The following CHN2 variants were observed in gnomAD, a reference collection of about 807,000 sequenced individuals.
The protein encoded by CHN2 is beta-chimaerin.
CHN2 carries 35 observed loss-of-function variants against 56.3 expected under a neutral mutation model. The ratio of observed to expected loss-of-function variants is 0.62; its 90% CI spans 0.47 to 0.82. CHN2 has a LOEUF of 0.82. CHN2 is among the 40% of genes least tolerant of loss of function. The probability of loss-of-function intolerance (pLI) is 0.00; values close to 1 mark genes in which losing one functional copy is unlikely to be tolerated. For missense variants in CHN2, 491 were observed against 580.5 expected (o/e 0.85, Z 1.58); for synonymous variants, 210 against 212.8 (o/e 0.99, Z 0.12).
At chr7:29,354,723 A>G (rs921895645) in intron 2 of CHN2, 60 bp downstream of exon 2, 4 of 1,506,498 alleles carry the variant, frequency 2.7e-6, no homozygotes, top group African/African-American at 2.8e-5. Context: ...TTTCTGAACA[A>G]TTCTTGCCAG....
At chr7:29,414,523 G>A (rs1803542017) in intron 6 of CHN2, among the ~76,000 whole-genome samples, 1 of 152,054 alleles carries the variant, frequency 6.6e-6, no homozygotes, top group South Asian at 2.1e-4. Flanking sequence ...ACCACCCAGT[G>A]GGCAGGGGAG....
chr7:29,184,173 ATAG>A (rs1798419316), intron 2 of CHN2, among the ~76,000 whole-genome samples: 1 of 151,248 alleles, frequency 6.6e-6, no homozygotes, highest in African/African-American at 2.4e-5. Flanking sequence ...AGATAGATAG[ATAG>A]ATAGATAGAT....
intron 6 of CHN2, among the ~76,000 whole-genome samples, chr7:29,440,019 A>T (rs937705019): frequency 4.6e-5 from 7 of 152,194 alleles, no homozygotes; most frequent in Non-Finnish European, 8.8e-5. Context: ...TAAACCACAT[A>T]CTGGTGACAA....
At chr7:29,158,077 G>A (rs1794668168) in intron 2 of CHN2, among the ~76,000 whole-genome samples, 1 of 152,134 alleles carries the variant, frequency 6.6e-6, no homozygotes, top group African/African-American at 2.4e-5. Context: ...AAGACACAAT[G>A]AGCTCATCAC....
At position 29,280,385 on chromosome 7, in the gene CHN2, T is replaced by TAA. The variant is rs1423780240; in HGVS notation, c.50-74238_50-74237dup. 8.5e-4 allele frequency among the ~76,000 whole-genome samples: 21 copies of TAA among 24,582 alleles called. No individual in the cohort carries two copies. In the African/African-American group the frequency reaches 8.6e-3, roughly 10 times the overall value. The allele number at this position is 24,582 out of a possible 152,430, so 16.1% of individuals were successfully genotyped here. On this transcript the variant is annotated intron_variant, in intron 1 of 12. Transcript: ENST00000222792. ...GGTGACAGAGCGAGGCTCCGTCTCA[T>TAA]AAATAAATAAATAAATAAATAAATA...
At chr7:29,498,910 C>T (rs1009448345) in intron 8 of CHN2, among the ~76,000 whole-genome samples, 7 of 151,918 alleles carry the variant, frequency 4.6e-5, no homozygotes, top group African/African-American at 1.5e-4. Flanking sequence ...TACAGGGGTC[C>T]ACCACCATGC....
At chr7:29,460,847 T>C (rs1474424830) in intron 6 of CHN2, among the ~76,000 whole-genome samples, 1 of 152,228 alleles carries the variant, frequency 6.6e-6, no homozygotes, top group Non-Finnish European at 1.5e-5. Flanking sequence ...AGGCAACTCC[T>C]TTGCTACCAA....
intron 1 of CHN2, among the ~76,000 whole-genome samples, chr7:29,273,892 C>T (rs1294172201): frequency 6.6e-6 from 1 of 152,066 alleles, no homozygotes; most frequent in Non-Finnish European, 1.5e-5. Context: ...TAAGAGTGAA[C>T]AAGTTAAATA....
intron 1 of CHN2, among the ~76,000 whole-genome samples, chr7:29,266,812 C>A (rs955956429): frequency 6.6e-6 from 1 of 152,152 alleles, no homozygotes; most frequent in Non-Finnish European, 1.5e-5. Context: ...GCCATCCCTT[C>A]GTATCCAAAC....
chr7:29,293,001 A>C (rs1792764061), intron 1 of CHN2: 1 of 456,180 alleles, frequency 2.2e-6, no homozygotes. Context: ...CTTTGCACTC[A>C]GAGCCAGCCT....
intron 6 of CHN2, among the ~76,000 whole-genome samples, chr7:29,468,152 C>G (rs868364011): frequency 0.01 from 1,174 of 116,280 alleles, 99 homozygotes; most frequent in African/African-American, 0.035. Context: ...CCCCCCCCCC[C>G]CCCGCCCGAC....
intron 1 of CHN2, among the ~76,000 whole-genome samples, chr7:29,221,379 AAAT>A (rs1474814357): frequency 6.6e-6 from 1 of 152,286 alleles, no homozygotes. Flanking sequence ...TACTAGCAAT[AAAT>A]AATTCAAAAA....
At chr7:29,301,523 T>G (rs1793661552) in intron 1 of CHN2, among the ~76,000 whole-genome samples, 1 of 152,184 alleles carries the variant, frequency 6.6e-6, no homozygotes, top group Non-Finnish European at 1.5e-5. Context: ...AGGATGCCTC[T>G]TATCCTTTTC....
At chr7:29,369,480 G>T (rs1298823145) in intron 3 of CHN2, among the ~76,000 whole-genome samples, 1 of 152,094 alleles carries the variant, frequency 6.6e-6, no homozygotes, top group Non-Finnish European at 1.5e-5. Context: ...ATATAGCAAA[G>T]AACTTGGCTA....
intron 6 of CHN2, among the ~76,000 whole-genome samples, chr7:29,426,718 A>G (rs1804892182): frequency 6.6e-6 from 1 of 152,254 alleles, no homozygotes; most frequent in African/African-American, 2.4e-5. Context: ...TCAGAGTATC[A>G]CAAGGCCCAA....
At chr7:29,150,730 T>C (rs890439904) in intron 2 of CHN2, among the ~76,000 whole-genome samples, 1 of 152,230 alleles carries the variant, frequency 6.6e-6, no homozygotes, top group Non-Finnish European at 1.5e-5. Context: ...GGTCTCTCCC[T>C]GCACTTGTCA....
intron 1 of CHN2, among the ~76,000 whole-genome samples, chr7:29,268,606 G>T (rs1315045253): frequency 6.6e-6 from 1 of 152,162 alleles, no homozygotes; most frequent in Admixed American, 6.5e-5. Context: ...ATGCCATGGG[G>T]AGTCTGTCTG....
intron 6 of CHN2, among the ~76,000 whole-genome samples, chr7:29,429,856 A>G (rs1332696733): frequency 6.6e-6 from 1 of 152,232 alleles, no homozygotes; most frequent in Non-Finnish European, 1.5e-5. Context: ...TTTATTATAT[A>G]TAGGAACCTT....
At chr7:29,203,764 A>G (rs1176006451) in intron 1 of CHN2, among the ~76,000 whole-genome samples, 2 of 152,212 alleles carry the variant, frequency 1.3e-5, no homozygotes, top group South Asian at 4.2e-4. Flanking sequence ...TACCAAGGCA[A>G]CTCAGCCCTG....
Sources: allele counts gnomAD v4.1 joint callset (sites outside exome capture counted in the v4.1 genomes callset), GRCh38; gene constraint gnomAD v4.1.1; transcripts MANE v1.5; gene names NCBI Gene and HGNC (gene_info 2026-07-23, HGNC 2026-07-21).